The following ERBB4 variants were observed in gnomAD, a reference collection of about 807,000 sequenced individuals.
The protein encoded by ERBB4 is receptor tyrosine-protein kinase erbB-4.
Under a neutral mutation model 158.0 loss-of-function variants are expected in ERBB4, and 42 were observed. The observed-to-expected ratio is 0.27, with a 90% CI of 0.21 to 0.34. The LOEUF is 0.34. Among genes scored for constraint, ERBB4 ranks in the 10% least tolerant of loss-of-function variants. The probability of loss-of-function intolerance (pLI) is 1.00; values close to 1 mark genes in which losing one functional copy is unlikely to be tolerated. For synonymous variants in ERBB4, 583 were observed against 558.7 expected (o/e 1.04, Z -0.61); for missense variants, 1,333 against 1,624.1 (o/e 0.82, Z 3.08).
chr2:212,255,787 C>T (rs1410159216), intron 1 of ERBB4, among the ~76,000 whole-genome samples: 3 of 151,952 alleles, frequency 2.0e-5, no homozygotes, highest in African/African-American at 7.2e-5. Flanking sequence ...TATATTAACT[C>T]TTTCAAATCA....
rs2079024714 is a variant in ERBB4 at position 211,893,592 on chromosome 2, G to A, written c.421+53838C>T. Reference sequence around the variant, plus strand: ...AATTAAACTAAAGAGCTTCTGCACAGCAAAAGAAGCTACCATCAGAGTGAA... The same window carrying A: ...AATTAAACTAAAGAGCTTCTGCACAACAAAAGAAGCTACCATCAGAGTGAA... On this transcript the variant is annotated intron_variant, in intron 3 of 27. Transcript: ENST00000342788. 1.4e-5 allele frequency among the ~76,000 whole-genome samples: 2 copies of A among 141,010 alleles called. 1 individual carries two copies. The highest frequency in any genetic ancestry group is 1.4e-4 in the Admixed American group (2 of 14,472). 92.5% of individuals were successfully genotyped at this position (141,010 alleles called of 152,430 possible).
chr2:211,967,696 T>C (rs1337425764), intron 2 of ERBB4, among the ~76,000 whole-genome samples: 1 of 152,068 alleles, frequency 6.6e-6, no homozygotes, highest in Non-Finnish European at 1.5e-5. Context: ...AATGCAATGG[T>C]ATCAAGCATC....
intron 1 of ERBB4, among the ~76,000 whole-genome samples, chr2:212,279,875 G>C (rs1278147181): frequency 6.6e-6 from 1 of 151,566 alleles, no homozygotes; most frequent in Non-Finnish European, 1.5e-5. Flanking sequence ...ACAAAAAGTT[G>C]TTGCATATAG....
At chr2:211,473,234 A>G (rs1230466796) in intron 20 of ERBB4, among the ~76,000 whole-genome samples, 2 of 152,052 alleles carry the variant, frequency 1.3e-5, no homozygotes, top group African/African-American at 2.4e-5. Flanking sequence ...TAATGAGGCC[A>G]CCAGCCAAGG....
intron 1 of ERBB4, among the ~76,000 whole-genome samples, chr2:212,493,655 A>C (rs915571804): frequency 4.6e-5 from 7 of 151,742 alleles, no homozygotes; most frequent in Non-Finnish European, 4.4e-5. Flanking sequence ...TAACATTAGA[A>C]TTCACTAAAA....
chr2:211,475,820 C>T (rs772420712), intron 20 of ERBB4, among the ~76,000 whole-genome samples: 3 of 151,816 alleles, frequency 2.0e-5, no homozygotes, highest in Non-Finnish European at 4.4e-5. Flanking sequence ...ATGTTTTCAA[C>T]CAAACAATAA....
chr2:212,507,591 A>G (rs1402661078), intron 1 of ERBB4, among the ~76,000 whole-genome samples: 1 of 152,190 alleles, frequency 6.6e-6, no homozygotes, highest in Non-Finnish European at 1.5e-5. Flanking sequence ...CCCATGGATG[A>G]CTTGGAGGAA....
chr2:212,391,157 A>G (rs1445654301), intron 1 of ERBB4, among the ~76,000 whole-genome samples: 1 of 151,898 alleles, frequency 6.6e-6, no homozygotes, highest in East Asian at 1.9e-4. Flanking sequence ...TTATCAATAG[A>G]AAACAGATGT....
At chr2:211,608,097 A>G (rs1431903564) in intron 19 of ERBB4, among the ~76,000 whole-genome samples, 1 of 152,004 alleles carries the variant, frequency 6.6e-6, no homozygotes, top group Non-Finnish European at 1.5e-5. Flanking sequence ...AAAGTTATAC[A>G]CAGTTTGATT....
At chr2:212,295,491 C>T (rs1463424884) in intron 1 of ERBB4, among the ~76,000 whole-genome samples, 1 of 152,026 alleles carries the variant, frequency 6.6e-6, no homozygotes, top group Non-Finnish European at 1.5e-5. Flanking sequence ...AAAACGTATG[C>T]ATATGCACTT....
At chr2:212,034,864 A>G (rs193081898) in intron 2 of ERBB4, among the ~76,000 whole-genome samples, 1 of 152,278 alleles carries the variant, frequency 6.6e-6, no homozygotes, top group East Asian at 1.9e-4. Flanking sequence ...TGCTAAGCCA[A>G]TGGGATGGTT....
chr2:211,992,580 A>AAAC lies in ERBB4; in HGVS notation c.235-44965_235-44964insGTT, dbSNP rs202076862. On this transcript the variant is annotated intron_variant, in intron 2 of 27. Transcript: ENST00000342788. Reference sequence around the variant, plus strand: ...GAGAGAGAGAGAGAAAAAAAAAAAAAACATGAGTTTGTCAGGGGCAGAAAT... The same window carrying AAAC: ...GAGAGAGAGAGAGAAAAAAAAAAAAAAACACATGAGTTTGTCAGGGGCAGAAAT... Among the ~76,000 whole-genome samples the AAAC allele has an allele frequency of 3.9e-3, 587 of 151,702 alleles. 5 individuals are homozygous for AAAC. The highest frequency in any genetic ancestry group is 0.014 in the Middle Eastern group (4 of 294).
intron 8 of ERBB4, 23 bp downstream of exon 8, chr2:211,713,511 TA>T (rs781531745): frequency 5.5e-5 from 78 of 1,406,600 alleles, no homozygotes; most frequent in Non-Finnish European, 7.8e-5. Context: ...CAGTTCTAAC[TA>T]AATAATCTGA....
At chr2:212,003,116 G>GAAAGAAAGAAAGAAAGAAA (rs1559292040) in intron 2 of ERBB4, among the ~76,000 whole-genome samples, 1 of 16,404 alleles carries the variant, frequency 6.1e-5, no homozygotes, top group African/African-American at 1.3e-4. Context: ...AAAGAAAGAA[G>GAAAGAAAGAAAGAAAGAAA]GAAGGAAGGA....
At chr2:211,998,402 G>C (rs967679374) in intron 2 of ERBB4, among the ~76,000 whole-genome samples, 1 of 151,148 alleles carries the variant, frequency 6.6e-6, no homozygotes, top group Non-Finnish European at 1.5e-5. Context: ...TATCTTACTT[G>C]GTCCTTATCA....
chr2:211,394,263 T>A (rs2062865275), intron 25 of ERBB4, among the ~76,000 whole-genome samples: 1 of 152,196 alleles, frequency 6.6e-6, no homozygotes, highest in South Asian at 2.1e-4. Context: ...ATGCCAACAT[T>A]GCTTAGCTTC....
At chr2:211,467,533 T>G (rs564225038) in intron 20 of ERBB4, among the ~76,000 whole-genome samples, 2 of 152,158 alleles carry the variant, frequency 1.3e-5, no homozygotes, top group African/African-American at 2.4e-5. Flanking sequence ...GCAGTGGACC[T>G]TCTCCTTGGA....
chr2:212,197,723 T>G (rs2082470283), intron 1 of ERBB4, among the ~76,000 whole-genome samples: 1 of 152,120 alleles, frequency 6.6e-6, no homozygotes, highest in Admixed American at 6.6e-5. Context: ...GAGCTGGAAA[T>G]TTATGTTTGC....
chr2:211,524,876 C>G (rs1158068253), intron 20 of ERBB4, among the ~76,000 whole-genome samples: 1 of 152,192 alleles, frequency 6.6e-6, no homozygotes, highest in Non-Finnish European at 1.5e-5. Flanking sequence ...AGTGGGAGCC[C>G]AGGCAGAGGA....
Sources: allele counts gnomAD v4.1 joint callset (sites outside exome capture counted in the v4.1 genomes callset), GRCh38; gene constraint gnomAD v4.1.1; transcripts MANE v1.5; gene names NCBI Gene and HGNC (gene_info 2026-07-23, HGNC 2026-07-21).